Variants in ADAMTS12 observed in about 807,000 individuals in gnomAD.
ADAMTS12 encodes the protein A disintegrin and metalloproteinase with thrombospondin motifs 12.
ADAMTS12 carries 118 observed loss-of-function variants against 167.8 expected under a neutral mutation model. The observed-to-expected ratio is 0.70, with a 90% CI of 0.61 to 0.82. The LOEUF is 0.82. Among genes scored for constraint, ADAMTS12 ranks in the 40% least tolerant of loss-of-function variants. The pLI is 0.00. For missense variants in ADAMTS12, 1,916 were observed against 1,998.8 expected, an observed-to-expected ratio of 0.96 and a Z score of 0.79; for synonymous variants, 704 against 716.9, an observed-to-expected ratio of 0.98 and a Z score of 0.29.
At chr5:33,845,606 A>G (rs536274706) in intron 2 of ADAMTS12, among the ~76,000 whole-genome samples, 72 of 152,376 alleles carry the variant, frequency 4.7e-4, no homozygotes, top group Admixed American at 1.2e-3. Context: ...GAGTGCTCAC[A>G]TAGTTTCAAA....
chr5:33,806,473 T>TA (rs1747234133), intron 2 of ADAMTS12, among the ~76,000 whole-genome samples: 1 of 152,218 alleles, frequency 6.6e-6, no homozygotes, highest in Non-Finnish European at 1.5e-5. Context: ...TTAACATTCT[T>TA]ACATGGAAAA....
chr5:33,685,345 T>TC (rs1462091528), intron 3 of ADAMTS12, among the ~76,000 whole-genome samples: 1 of 152,214 alleles, frequency 6.6e-6, no homozygotes, highest in Non-Finnish European at 1.5e-5. Context: ...CTGTCATTCC[T>TC]CCTCGTTAGC....
chr5:33,597,089 C>T (rs745311752), intron 16 of ADAMTS12, among the ~76,000 whole-genome samples: 3 of 152,074 alleles, frequency 2.0e-5, no homozygotes, highest in Non-Finnish European at 4.4e-5. Flanking sequence ...AAATCAGCAC[C>T]GTCATTATCA....
chr5:33,582,912 G>A lies in ADAMTS12; in HGVS notation c.2865+5687C>T, dbSNP rs538081325. ...GGGTACATGAGATGTTTTGAAACAG[G>A]CATGCAATGTGAAATAAGCACGTCA... On this transcript the variant is annotated intron_variant, in intron 18 of 23. Transcript: ENST00000504830. 2.0e-5 allele frequency among the ~76,000 whole-genome samples: 3 copies of A among 152,292 alleles called. No homozygotes were observed. The East Asian group carries it at 5.8e-4, about 29-fold the overall frequency.
chr5:33,648,854 C>T lies in ADAMTS12; in HGVS notation c.1447G>A (p.Gly483Arg). 1 of 1,613,930 alleles carries T rather than the reference C, an allele frequency of 6.2e-7. No homozygotes were observed. Among genetic ancestry groups the T allele is most frequent in the Non-Finnish European group, 8.5e-7 (1 of 1,179,944 alleles). The change falls in exon 9 of 24, where the codon GGA becomes AGA. Residue 483 changes from glycine (G) to arginine (R), a missense_variant. Coordinates refer to ENST00000504830, the MANE Select transcript of ADAMTS12 (RefSeq NM_030955.4). Reference sequence around the variant, plus strand: ...TCCTGGCAGAAGGTAGCATTGGGTCCATATTGTAGCTGGCACTGGTGGTGA... The same window carrying T: ...TCCTGGCAGAAGGTAGCATTGGGTCTATATTGTAGCTGGCACTGGTGGTGA... The part of the protein sequence containing the change: ...DVHHQCQLQY[G>R]PNATFCQEVE...
At chr5:33,782,134 T>G (rs1256986972) in intron 2 of ADAMTS12, among the ~76,000 whole-genome samples, 1 of 152,058 alleles carries the variant, frequency 6.6e-6, no homozygotes, top group African/African-American at 2.4e-5. Flanking sequence ...TAAAAAGCCA[T>G]AAGTATATAT....
chr5:33,784,959 T>C (rs191675147), intron 2 of ADAMTS12, among the ~76,000 whole-genome samples: 1 of 152,252 alleles, frequency 6.6e-6, no homozygotes, highest in Non-Finnish European at 1.5e-5. Context: ...TAGTGTGGTA[T>C]TGGCATAAGA....
intron 2 of ADAMTS12, among the ~76,000 whole-genome samples, chr5:33,850,077 C>T (rs900817097): frequency 1.3e-5 from 2 of 152,136 alleles, no homozygotes; most frequent in African/African-American, 4.8e-5. Flanking sequence ...CTAGATTCCT[C>T]TCACGGAGAT....
At chr5:33,578,959 G>A (rs1275588964) in intron 18 of ADAMTS12, among the ~76,000 whole-genome samples, 3 of 152,068 alleles carry the variant, frequency 2.0e-5, no homozygotes, top group South Asian at 4.2e-4. Context: ...TAATAATTTG[G>A]GCGGAAATGA....
At chr5:33,667,296 C>A (rs1408367489) in intron 5 of ADAMTS12, among the ~76,000 whole-genome samples, 2 of 111,326 alleles carry the variant, frequency 1.8e-5, no homozygotes, top group Non-Finnish European at 3.4e-5. Context: ...CCAGCCTGGG[C>A]AACAGAGTGA....
intron 2 of ADAMTS12, among the ~76,000 whole-genome samples, chr5:33,849,389 AAT>A (rs1308725482): frequency 2.2e-4 from 32 of 144,474 alleles, no homozygotes; most frequent in African/African-American, 6.4e-4. Context: ...ATTGCACAGC[AAT>A]ATATATATAT....
chr5:33,653,458 A>G (rs1378100850), intron 7 of ADAMTS12, among the ~76,000 whole-genome samples: 1 of 151,846 alleles, frequency 6.6e-6, no homozygotes, highest in East Asian at 1.9e-4. Context: ...TTCCTGAAGG[A>G]TATTGTTCTT....
chr5:33,885,787 C>T (rs1360384034), intron 1 of ADAMTS12, among the ~76,000 whole-genome samples: 2 of 152,198 alleles, frequency 1.3e-5, no homozygotes, highest in Non-Finnish European at 2.9e-5. Context: ...TAGAGTAGAG[C>T]TCGAGGTCTT....
chr5:33,724,795 C>G (rs1456173458), intron 3 of ADAMTS12, among the ~76,000 whole-genome samples: 1 of 152,164 alleles, frequency 6.6e-6, no homozygotes, highest in Non-Finnish European at 1.5e-5. Context: ...TTGTGATCCA[C>G]CCGCCTCGGC....
intron 3 of ADAMTS12, among the ~76,000 whole-genome samples, chr5:33,689,593 G>A (rs983796419): frequency 1.3e-5 from 2 of 152,020 alleles, no homozygotes; most frequent in African/African-American, 4.8e-5. Context: ...ATATAACTCA[G>A]ACAAGTGCTA....
chr5:33,686,108 G>C (rs1485318115), intron 3 of ADAMTS12, among the ~76,000 whole-genome samples: 4 of 152,172 alleles, frequency 2.6e-5, no homozygotes, highest in East Asian at 3.9e-4. Context: ...GTTCTAATCA[G>C]GAGGCTGCTC....
At chr5:33,888,351 TGAAGA>T (rs1193083645) in intron 1 of ADAMTS12, among the ~76,000 whole-genome samples, 1 of 152,210 alleles carries the variant, frequency 6.6e-6, no homozygotes, top group African/African-American at 2.4e-5. Context: ...TGGAATGTTG[TGAAGA>T]ACTGTGTTGG....
At chr5:33,803,911 A>G (rs1378393001) in intron 2 of ADAMTS12, among the ~76,000 whole-genome samples, 1 of 152,212 alleles carries the variant, frequency 6.6e-6, no homozygotes, top group Non-Finnish European at 1.5e-5. Context: ...TTACAATTCA[A>G]GGTGAGATTC....
chr5:33,641,390 T>G (rs544393649), intron 11 of ADAMTS12, among the ~76,000 whole-genome samples: 2 of 152,220 alleles, frequency 1.3e-5, no homozygotes, highest in Non-Finnish European at 2.9e-5. Context: ...ATTATTCTCA[T>G]AAAATTGTGT....
Sources: allele counts gnomAD v4.1 joint callset (sites outside exome capture counted in the v4.1 genomes callset), GRCh38; gene constraint gnomAD v4.1.1; transcripts MANE v1.5; gene names NCBI Gene and HGNC (gene_info 2026-07-23, HGNC 2026-07-21).